Variants in EFCAB6 observed in about 807,000 individuals in gnomAD.
EFCAB6 encodes the protein EF-hand calcium binding domain 6.
In EFCAB6, 156 loss-of-function variants were observed where a neutral mutation model predicts 169.8. The ratio of observed to expected loss-of-function variants is 0.92; its 90% confidence interval spans 0.81 to 1.05. EFCAB6 has a LOEUF of 1.05. Ranked by LOEUF, EFCAB6 falls within the 50% of genes least tolerant of loss-of-function variation. The pLI is 0.00. For missense variants in EFCAB6, 1,800 were observed against 1,829.1 expected, an observed-to-expected ratio of 0.98 and a Z score of 0.29; for synonymous variants, 698 against 676.4, an observed-to-expected ratio of 1.03 and a Z score of -0.50.
intron 3 of EFCAB6, among the ~76,000 whole-genome samples, chr22:43,777,243 T>C (rs906502388): frequency 2.0e-5 from 3 of 152,152 alleles, no homozygotes; most frequent in African/African-American, 7.2e-5. Flanking sequence ...CCAGTTCCGG[T>C]CTGAGATGCC....
intron 12 of EFCAB6, among the ~76,000 whole-genome samples, chr22:43,681,845 T>C (rs1459005939): frequency 2.0e-5 from 3 of 152,178 alleles, no homozygotes; most frequent in Non-Finnish European, 2.9e-5. Context: ...TGCAAATTCC[T>C]TCTGGATGAC....
At chr22:43,664,034 G>T (rs891153234) in intron 17 of EFCAB6, among the ~76,000 whole-genome samples, 4 of 152,240 alleles carry the variant, frequency 2.6e-5, no homozygotes, top group African/African-American at 9.6e-5. Flanking sequence ...CAGCAGGGAG[G>T]TCTCCAAGAA....
Position 43,582,624 on chromosome 22 carries a change from G to A in EFCAB6, c.3033-1965C>T, listed in dbSNP as rs566216383. The stretch of plus-strand genomic sequence containing the variant: ...AAGAAACAAAGAGATGTGGGATATA[G>A]GAGACAGGGGATCCAACCTAGATAA... On this transcript the variant is annotated intron_variant, in intron 24 of 31. Coordinates refer to ENST00000262726, the MANE Select transcript of EFCAB6 (RefSeq NM_022785.4). Among the ~76,000 whole-genome samples the A allele has an allele frequency of 6.6e-5, 10 of 152,292 alleles. No homozygotes were observed. The South Asian group carries it at 1.7e-3, about 25-fold the overall frequency.
intron 11 of EFCAB6, among the ~76,000 whole-genome samples, chr22:43,685,494 C>T (rs1348990494): frequency 1.3e-5 from 2 of 152,194 alleles, no homozygotes; most frequent in African/African-American, 2.4e-5. Flanking sequence ...ATTATCACAA[C>T]GTTGCCTTAG....
intron 21 of EFCAB6, among the ~76,000 whole-genome samples, chr22:43,609,136 A>C (rs868148408): frequency 6.6e-6 from 1 of 152,312 alleles, no homozygotes; most frequent in Middle Eastern, 3.4e-3. Flanking sequence ...AGTTGTTTCC[A>C]AGTAATAGCT....
chr22:43,626,739 C>A, intron 19 of EFCAB6, 60 bp from the exon 20 acceptor site: 1 of 1,515,838 alleles, frequency 6.6e-7, no homozygotes. Context: ...GCCACACATG[C>A]ACACCCCCAC....
intron 28 of EFCAB6, 78 bp downstream of exon 28, chr22:43,540,049 G>T: frequency 6.6e-7 from 1 of 1,518,742 alleles, no homozygotes; most frequent in Non-Finnish European, 9.0e-7. Context: ...CCATAGTAGG[G>T]CCCCCAAAGT....
Position 43,760,579 on chromosome 22 carries a change from T to C in EFCAB6, c.440+4726A>G, listed in dbSNP as rs191772334. Reference sequence around the variant, plus strand: ...TGGGTTGAAGGTGTTCCTCCAAAATTTAGGTGTTGCCACTGTGAGAGGATT... The same window carrying C: ...TGGGTTGAAGGTGTTCCTCCAAAATCTAGGTGTTGCCACTGTGAGAGGATT... On this transcript the variant is annotated intron_variant, in intron 5 of 31. Coordinates refer to ENST00000262726, the MANE Select transcript of EFCAB6 (RefSeq NM_022785.4). Among the ~76,000 whole-genome samples the C allele has an allele frequency of 7.9e-5, 12 of 152,306 alleles. No individual in the cohort carries two copies. In the East Asian group the frequency reaches 2.3e-3, roughly 29 times the overall value.
At chr22:43,547,014 A>C (rs963793257) in intron 27 of EFCAB6, among the ~76,000 whole-genome samples, 1 of 152,258 alleles carries the variant, frequency 6.6e-6, no homozygotes, top group Non-Finnish European at 1.5e-5. Context: ...TTCACGGAGA[A>C]AGAAAATGAT....
At chr22:43,590,400 A>C (rs2051401163) in intron 23 of EFCAB6, among the ~76,000 whole-genome samples, 171 bp from the exon 24 acceptor site, 1 of 68,804 alleles carries the variant, frequency 1.5e-5, no homozygotes, top group Non-Finnish European at 3.0e-5. Context: ...GATATCCCAG[A>C]AATATTATGT....
At chr22:43,703,227 G>A (rs1024433455) in intron 10 of EFCAB6, among the ~76,000 whole-genome samples, 1 of 152,202 alleles carries the variant, frequency 6.6e-6, no homozygotes, top group African/African-American at 2.4e-5. Flanking sequence ...AGCCCAGCTT[G>A]GCTGCCCCAC....
chr22:43,781,311 C>A (rs1024367396), intron 3 of EFCAB6, among the ~76,000 whole-genome samples: 1 of 152,022 alleles, frequency 6.6e-6, no homozygotes, highest in East Asian at 1.9e-4. Context: ...CGGAGGCAAC[C>A]AAGATGTCTA....
At chr22:43,699,954 G>A (rs1333100286) in intron 10 of EFCAB6, among the ~76,000 whole-genome samples, 1 of 152,196 alleles carries the variant, frequency 6.6e-6, no homozygotes, top group Non-Finnish European at 1.5e-5. Context: ...ATGATCTCCG[G>A]CGAATACGCA....
At chr22:43,642,515 G>A (rs1249739137) in intron 17 of EFCAB6, among the ~76,000 whole-genome samples, 1 of 151,976 alleles carries the variant, frequency 6.6e-6, no homozygotes, top group East Asian at 1.9e-4. Context: ...TGCCACCACA[G>A]AGCTGCGTCA....
At position 43,812,235 on chromosome 22, in the gene EFCAB6, G is replaced by C. The variant is rs1221554722; in HGVS notation, c.-212C>G. ...CGCGTGCGCGGACCCCAAGCCGCGG[G>C]GTCTCAGAGGGGCTGCCCATTCGGC... On this transcript the variant is annotated 5_prime_UTR_variant, in exon 1 of 32. Transcript: ENST00000262726. 1 of 152,302 alleles carries C rather than the reference G, an allele frequency of 6.6e-6. No individual in the cohort carries two copies. 9.4% of individuals were successfully genotyped at this position (152,302 alleles called of 1,614,324 possible). A position where few individuals can be genotyped will look rare whatever the true frequency, so the allele number is the denominator to read the frequency against.
At position 43,537,288 on chromosome 22, in the gene EFCAB6, A is replaced by C. The variant is rs1602115430; in HGVS notation, c.4048+89T>G. The C allele has an allele frequency of 6.7e-7, 1 of 1,499,470 alleles. No homozygotes were observed. Among genetic ancestry groups the C allele is most frequent in the Non-Finnish European group, 9.0e-7 (1 of 1,107,976 alleles). The allele number at this position is 1,499,470 out of a possible 1,614,324, so 92.9% of individuals were successfully genotyped here. A position where few individuals can be genotyped will look rare whatever the true frequency, so the allele number is the denominator to read the frequency against. On this transcript the variant is annotated intron_variant, in intron 29 of 31. Transcript: ENST00000262726. The surrounding 1 kb of genome is among the most constrained non-coding windows in gnomAD (Gnocchi z 4.3). ...CCTGTTCTGCTGCTCCCTGGCCTCCACCCGGGGTGTGGCTTTGTACCCAGT... is the reference window on the plus strand; with the variant it reads ...CCTGTTCTGCTGCTCCCTGGCCTCCCCCCGGGGTGTGGCTTTGTACCCAGT...
chr22:43,632,110 A>T lies in EFCAB6; in HGVS notation c.2227T>A (p.Phe743Ile). The change falls in exon 19 of 32, where the codon TTC becomes ATC. Residue 743 changes from phenylalanine to isoleucine, a missense_variant. Transcript: ENST00000262726. ...KLFPRRLKES[F>I]RDPYSAFFKT... Reference sequence around the variant, plus strand: ...GCCAGACAGTCACGGTTTACCCGGAATGACTCCTTCAGCCTCCTAGGGAAA... The same window carrying T: ...GCCAGACAGTCACGGTTTACCCGGATTGACTCCTTCAGCCTCCTAGGGAAA... 1 of 1,613,928 alleles carries T rather than the reference A, an allele frequency of 6.2e-7. No homozygotes were observed. Among genetic ancestry groups the T allele is most frequent in the Non-Finnish European group, 8.5e-7 (1 of 1,179,908 alleles).
At chr22:43,722,807 T>C (rs2059586468) in intron 8 of EFCAB6, among the ~76,000 whole-genome samples, 1 of 152,164 alleles carries the variant, frequency 6.6e-6, no homozygotes, top group South Asian at 2.1e-4. Flanking sequence ...TAAACATAGG[T>C]GCCCATCAGT....
At chr22:43,765,573 T>C (rs2061301675) in intron 4 of EFCAB6, among the ~76,000 whole-genome samples, 180 bp from the exon 5 acceptor site, 1 of 152,138 alleles carries the variant, frequency 6.6e-6, no homozygotes, top group African/African-American at 2.4e-5. Flanking sequence ...TGAACATGCA[T>C]TCTCAGCAAA....
Sources: gnomAD v4.1 joint callset for allele counts (sites outside exome capture counted in the v4.1 genomes callset) on GRCh38, gnomAD v4.1.1 for gene constraint, Gnocchi (gnomAD v3.1) non-coding constraint, MANE v1.5 for transcripts, NCBI Gene and HGNC (gene_info 2026-07-23, HGNC 2026-07-21) for gene names.